Variants in TMEM59L observed in about 807,000 individuals in gnomAD.
TMEM59L encodes the protein transmembrane protein 59 like.
TMEM59L carries 31 observed loss-of-function variants against 39.6 expected under a neutral mutation model. The observed-to-expected ratio is 0.78, with a 90% CI of 0.59 to 1.06. The LOEUF is 1.06. Among genes scored for constraint, TMEM59L ranks in the 50% least tolerant of loss-of-function variants. The probability of loss-of-function intolerance (pLI) is 0.00; values close to 1 mark genes in which losing one functional copy is unlikely to be tolerated. For synonymous variants in TMEM59L, 219 were observed against 202.9 expected, an observed-to-expected ratio of 1.08 and a Z score of -0.68; for missense variants, 441 against 451.3, an observed-to-expected ratio of 0.98 and a Z score of 0.21.
rs1976393600 is a variant in TMEM59L, at chr19:18,613,537, G to A, written c.172-335G>A. ...TCCCCAGGATTCAAGCCTGATCTGC[G>A]TGTGACCAAAACCCCCTCCTCTGAG... On this transcript the variant is annotated intron_variant, in intron 1 of 7. Coordinates refer to ENST00000262817, the MANE Select transcript of TMEM59L (RefSeq NM_012109.3). Among the ~76,000 whole-genome samples, 4 of 151,634 alleles carry A rather than the reference G, an allele frequency of 2.6e-5. No homozygotes were observed. The South Asian group carries it at 8.3e-4, about 32-fold the overall frequency.
At chr19:18,617,381 C>T in intron 5 of TMEM59L, 1 of 547,754 alleles carries the variant, frequency 1.8e-6, no homozygotes, top group Non-Finnish European at 3.5e-6. Flanking sequence ...CCGTGGTCCA[C>T]CTCTCAGGGT....
Position 18,618,419 on chromosome 19 carries a change from T to C in TMEM59L, c.827T>C (p.Leu276Pro), listed in dbSNP as rs748782697. The change falls in exon 7 of 8, where the codon CTC becomes CCC. Residue 276 changes from leucine (L) to proline (P), a missense_variant. Coordinates refer to ENST00000262817, the MANE Select transcript of TMEM59L (RefSeq NM_012109.3). ...PRWILACCLF[L>P]SVLVMLWLSC... ...TGGATCCTGGCCTGCTGCCTCTTCC[T>C]CTCCGTGCTGGTGATGCTGTGGCTG... 6.2e-7 allele frequency: 1 copy of C among 1,608,108 alleles called. No homozygotes were observed. Among genetic ancestry groups the C allele is most frequent in the Non-Finnish European group, 8.5e-7 (1 of 1,179,250 alleles).
rs1976399267 is a variant in TMEM59L at position 18,613,923 on chromosome 19, A to T, written c.223A>T (p.Ser75Cys). Residue 75 changes from serine to cysteine, a missense_variant, in exon 2 of 8, where the codon AGC becomes TGC. Transcript: ENST00000262817. The part of the protein sequence containing the change: ...ESPYDRAVLI[S>C]ACERGCRLFS... Reference sequence around the variant, plus strand: ...TCCCTATGACAGAGCCGTTCTGATCAGCGCTTGCGAGCGTGGCTGCCGCCT... The same window carrying T: ...TCCCTATGACAGAGCCGTTCTGATCTGCGCTTGCGAGCGTGGCTGCCGCCT... 1 of 1,612,840 alleles carries T rather than the reference A, an allele frequency of 6.2e-7. No individual in the cohort carries two copies. Among genetic ancestry groups the T allele is most frequent in the Non-Finnish European group, 8.5e-7 (1 of 1,179,976 alleles).
chr19:18,614,457 C>T (rs1378698087), intron 3 of TMEM59L, among the ~76,000 whole-genome samples: 1 of 152,254 alleles, frequency 6.6e-6, no homozygotes, highest in South Asian at 2.1e-4. Flanking sequence ...TCGGGCCTGA[C>T]TTCAACCTGT....
intron 1 of TMEM59L, 43 bp from the exon 2 acceptor site, chr19:18,613,829 G>GC: frequency 6.9e-7 from 1 of 1,451,042 alleles, no homozygotes; most frequent in African/African-American, 1.4e-5. Flanking sequence ...CCCTCCTCCT[G>GC]CCCCTCCCCA....
At chr19:18,616,869 C>G in intron 4 of TMEM59L, 131 bp from the exon 5 acceptor site, 1 of 703,078 alleles carries the variant, frequency 1.4e-6, no homozygotes, top group Non-Finnish European at 2.5e-6. Flanking sequence ...TCCCTGACAT[C>G]AAGCCCACCC....
chr19:18,620,480 G>A lies in TMEM59L; in HGVS notation c.973G>A (p.Ala325Thr), dbSNP rs770972371. 95 of 1,613,508 alleles carry A rather than the reference G, an allele frequency of 5.9e-5. No individual in the cohort carries two copies. The highest frequency in any genetic ancestry group is 2.9e-4 in the African/African-American group (22 of 74,882). ...DWPLYPPPSHACEDSLPPYKL... is the reference protein window; with the variant it reads ...DWPLYPPPSHTCEDSLPPYKL... ...GCCCCTGTACCCGCCGCCGTCCCAC[G>A]CCTGTGAGGACAGCCTACCACCCTA... Residue 325 changes from alanine to threonine, a missense_variant, in exon 8 of 8, where the codon GCC (alanine) becomes ACC (threonine). Coordinates refer to ENST00000262817, the MANE Select transcript of TMEM59L (RefSeq NM_012109.3).
chr19:18,616,193 C>T, intron 4 of TMEM59L, 66 bp downstream of exon 4: 2 of 1,589,178 alleles, frequency 1.3e-6, no homozygotes, highest in South Asian at 1.1e-5. Context: ...AGATGGGATG[C>T]ATTGGCTCTT....
At position 18,613,985 on chromosome 19, in the gene TMEM59L, G is replaced by A. The variant is rs1444704970; in HGVS notation, c.285G>A (p.Lys95=). ...GCCGATTTGTGGCCAGAAGCTCCAA[G>A]CCCAATGCCACCCAAACTGAGTGTG... ...SICRFVARSS[K]PNATQTECEA... is the part of the protein sequence containing the mutation. The change falls in exon 2 of 8, where the codon AAG becomes AAA. Residue 95 remains lysine, a synonymous_variant. Transcript: ENST00000262817. 3 of 1,613,266 alleles carry A rather than the reference G, an allele frequency of 1.9e-6. No homozygotes were observed. In the South Asian group the frequency reaches 3.3e-5, roughly 18 times the overall value.
chr19:18,612,953 C>T lies in TMEM59L; in HGVS notation c.-6C>T. 7.7e-7 allele frequency: 1 copy of T among 1,303,390 alleles called. No individual in the cohort carries two copies. 80.7% of individuals were successfully genotyped at this position (1,303,390 alleles called of 1,614,324 possible). On this transcript the variant is annotated 5_prime_UTR_variant, in exon 1 of 8. Transcript: ENST00000262817. This position sits in a 1 kb window ranked among gnomAD's most constrained non-coding sequence, Gnocchi z 6.2. The stretch of plus-strand genomic sequence containing the variant: ...GTCCCCCGCGCCCCCCGCGTTCCGC[C>T]CGGCCATGGCTGCGGTGGCGCTGAT...
intron 4 of TMEM59L, among the ~76,000 whole-genome samples, chr19:18,616,408 T>C (rs1600665686): frequency 1.0e-5 from 1 of 97,156 alleles, no homozygotes; most frequent in South Asian, 3.2e-4. Flanking sequence ...TGTTGTTGTT[T>C]TGAGATGGAC....
chr19:18,613,815 C>T (rs1420466562), intron 1 of TMEM59L, 57 bp from the exon 2 acceptor site: 3 of 1,413,612 alleles, frequency 2.1e-6, no homozygotes, highest in Non-Finnish European at 3.0e-6. Context: ...CTCCGGTCCC[C>T]CCACCCTCCT....
rs777010710 is a variant in TMEM59L, at chr19:18,615,993, C to T, written c.427C>T (p.Pro143Ser). ...PEQKRKVLEA[P>S]SGALSLLDLF... is the part of the protein sequence containing the mutation. ...TCACCAGAGAAAGGTCCTGGAGGCT[C>T]CAAGTGGGGCCCTCTCCCTCTTGGA... Residue 143 changes from proline (P) to serine (S), a missense_variant, in exon 4 of 8, where the codon CCA becomes TCA. Pro to Ser is a moderately conservative substitution (Grantham distance 74). Coordinates refer to ENST00000262817, the MANE Select transcript of TMEM59L (RefSeq NM_012109.3). 1.9e-6 allele frequency: 3 copies of T among 1,614,040 alleles called. No individual in the cohort carries two copies. The Admixed American group carries it at 5.0e-5, about 27-fold the overall frequency.
intron 4 of TMEM59L, among the ~76,000 whole-genome samples, chr19:18,616,506 C>T (rs1358570998): frequency 6.6e-6 from 1 of 152,140 alleles, no homozygotes; most frequent in African/African-American, 2.4e-5. Context: ...GATTCTCCTG[C>T]TTCAGCCTCC....
chr19:18,617,446 CT>C (rs2145350141), intron 5 of TMEM59L: 1 of 477,034 alleles, frequency 2.1e-6, no homozygotes, highest in Non-Finnish European at 4.1e-6. Context: ...CGTGTTCCGC[CT>C]CCCAGCGTTC....
intron 3 of TMEM59L, among the ~76,000 whole-genome samples, chr19:18,615,234 C>T (rs1489018077): frequency 4.6e-5 from 7 of 152,290 alleles, no homozygotes; most frequent in African/African-American, 1.7e-4. Flanking sequence ...CTTCCCACGT[C>T]GGCCTCCCAA....
At chr19:18,617,191 G>T in intron 5 of TMEM59L, 89 bp downstream of exon 5, 1 of 962,764 alleles carries the variant, frequency 1.0e-6, no homozygotes. Context: ...CTAGGATCGG[G>T]ATCTCCATCT....
At chr19:18,613,627 TG>T (rs1053465803) in intron 1 of TMEM59L, among the ~76,000 whole-genome samples, 1 of 151,998 alleles carries the variant, frequency 6.6e-6, no homozygotes, top group South Asian at 2.1e-4. Context: ...TGGAACCTAG[TG>T]GGGGGAAGGC....
chr19:18,619,966 G>A (rs1294102504), intron 7 of TMEM59L, among the ~76,000 whole-genome samples: 2 of 130,520 alleles, frequency 1.5e-5, no homozygotes, highest in Non-Finnish European at 3.2e-5. Context: ...CAACAGAGAA[G>A]ACCCCATCAC....
Sources: gnomAD v4.1 joint callset for allele counts (sites outside exome capture counted in the v4.1 genomes callset) on GRCh38, gnomAD v4.1.1 for gene constraint, Gnocchi (gnomAD v3.1) non-coding constraint, MANE v1.5 for transcripts, NCBI Gene and HGNC (gene_info 2026-07-23, HGNC 2026-07-21) for gene names.